COX7B2: variants seen among roughly 807,000 people sequenced by gnomAD.
The protein encoded by COX7B2 is cytochrome c oxidase subunit 7B2, also known as cytochrome c oxidase subunit 7B2, mitochondrial.
For synonymous variants in COX7B2, 37 were observed against 32.1 expected, an observed-to-expected ratio of 1.15 and a Z score of -0.51; for missense variants, 109 against 95.9, an observed-to-expected ratio of 1.14 and a Z score of -0.57.
intron 2 of COX7B2, among the ~76,000 whole-genome samples, chr4:46,813,217 C>G (rs1446773739): frequency 6.6e-6 from 1 of 152,120 alleles, no homozygotes; most frequent in African/African-American, 2.4e-5. Flanking sequence ...TGTGTATGTA[C>G]ATCTATTTAC....
intron 2 of COX7B2, among the ~76,000 whole-genome samples, chr4:46,833,948 C>T (rs1329060238): frequency 1.3e-5 from 2 of 151,940 alleles, no homozygotes; most frequent in Non-Finnish European, 2.9e-5. Context: ...AAAGATGTAG[C>T]TATAAACTGT....
chr4:46,763,874 C>T (rs987960777), intron 2 of COX7B2, among the ~76,000 whole-genome samples: 1 of 152,070 alleles, frequency 6.6e-6, no homozygotes, highest in African/African-American at 2.4e-5. Context: ...AAAATTGATT[C>T]CCCAGTCCAG....
At chr4:46,897,847 TTA>T (rs1048297098) in intron 1 of COX7B2, among the ~76,000 whole-genome samples, 19 of 152,174 alleles carry the variant, frequency 1.2e-4, no homozygotes, top group African/African-American at 4.6e-4. Flanking sequence ...TAATGAGAAT[TTA>T]TCAGACTTCA....
rs180809264 is a variant in COX7B2, at chr4:46,878,303, G to A, written c.-105+30857C>T. 1.0e-3 allele frequency among the ~76,000 whole-genome samples: 154 copies of A among 152,012 alleles called. 1 individual carries two copies. The highest frequency in any genetic ancestry group is 3.5e-3 in the African/African-American group (145 of 41,462). On this transcript the variant is annotated intron_variant, in intron 1 of 2. Coordinates refer to ENST00000355591, the MANE Select transcript of COX7B2 (RefSeq NM_130902.3). ...GTATGAACTTTCAGTTATATAGGAT[G>A]ACTAAATCTAGAGATCTAATGTATA... is the stretch of plus-strand genomic sequence containing the variant.
intron 2 of COX7B2, among the ~76,000 whole-genome samples, chr4:46,748,887 CT>C (rs1715179762): frequency 6.6e-6 from 1 of 152,128 alleles, no homozygotes; most frequent in South Asian, 2.1e-4. Context: ...CACTAATAAA[CT>C]TAATTGTCAT....
At chr4:46,812,721 A>G (rs1719348635) in intron 2 of COX7B2, among the ~76,000 whole-genome samples, 1 of 152,100 alleles carries the variant, frequency 6.6e-6, no homozygotes, top group Non-Finnish European at 1.5e-5. Context: ...TTCGACCTGA[A>G]GGTGCATAAC....
chr4:46,839,349 G>A (rs1229952954), intron 2 of COX7B2, among the ~76,000 whole-genome samples: 1 of 151,884 alleles, frequency 6.6e-6, no homozygotes, highest in Non-Finnish European at 1.5e-5. Context: ...CAGTCCTCTT[G>A]TCAATAGCAT....
chr4:46,754,718 G>GTATA (rs1235318797), intron 2 of COX7B2, among the ~76,000 whole-genome samples: 40 of 35,070 alleles, frequency 1.1e-3, no homozygotes, highest in South Asian at 5.3e-3. Context: ...GTGTGTGTGT[G>GTATA]TGTGTGTGTG....
chr4:46,801,849 T>C (rs1718675149), intron 2 of COX7B2, among the ~76,000 whole-genome samples: 1 of 152,174 alleles, frequency 6.6e-6, no homozygotes, highest in African/African-American at 2.4e-5. Flanking sequence ...TCTTTGAATC[T>C]CTAAATCTCC....
At chr4:46,799,977 A>G (rs2109619064) in intron 2 of COX7B2, among the ~76,000 whole-genome samples, 1 of 152,210 alleles carries the variant, frequency 6.6e-6, no homozygotes, top group South Asian at 2.1e-4. Context: ...TGTCAGGTTC[A>G]GGGCTTTTTT....
intron 2 of COX7B2, among the ~76,000 whole-genome samples, chr4:46,773,453 C>T (rs538189884): frequency 2.0e-5 from 3 of 152,150 alleles, no homozygotes; most frequent in Admixed American, 6.6e-5. Context: ...GAGGCCCCCC[C>T]AGTCATGCTG....
intron 1 of COX7B2, among the ~76,000 whole-genome samples, chr4:46,896,379 A>G (rs1055363139): frequency 1.3e-5 from 2 of 152,222 alleles, no homozygotes; most frequent in African/African-American, 2.4e-5. Flanking sequence ...GTACCCAGTG[A>G]CAATTTTAGG....
intron 2 of COX7B2, among the ~76,000 whole-genome samples, chr4:46,836,224 CTG>C (rs1365935109): frequency 3.9e-5 from 6 of 152,172 alleles, no homozygotes; most frequent in South Asian, 2.1e-4. Flanking sequence ...CAACATTTTA[CTG>C]TGTGTTTACT....
chr4:46,802,709 G>C (rs1345630338), intron 2 of COX7B2, among the ~76,000 whole-genome samples: 1 of 152,166 alleles, frequency 6.6e-6, no homozygotes, highest in Non-Finnish European at 1.5e-5. Flanking sequence ...TTAAAACTCA[G>C]CTGTCACATT....
chr4:46,753,815 C>G (rs191861026), intron 2 of COX7B2, among the ~76,000 whole-genome samples: 1,640 of 152,234 alleles, frequency 0.011, 19 homozygotes, highest in Non-Finnish European at 0.014. Context: ...ATCTACCCAT[C>G]TGACAAAGGG....
At chr4:46,822,422 G>A (rs769422241) in intron 2 of COX7B2, among the ~76,000 whole-genome samples, 1 of 151,934 alleles carries the variant, frequency 6.6e-6, no homozygotes, top group Non-Finnish European at 1.5e-5. Context: ...TGAGGAGAGG[G>A]CTCTGGGGCA....
At chr4:46,882,336 C>T (rs1264104316) in intron 1 of COX7B2, among the ~76,000 whole-genome samples, 1 of 152,078 alleles carries the variant, frequency 6.6e-6, no homozygotes, top group Non-Finnish European at 1.5e-5. Flanking sequence ...GAGTTCAGGT[C>T]CTGAATCTTT....
rs144320152 is a variant in COX7B2, at chr4:46,832,200, T to C, written c.-50+12760A>G. 4.4e-3 allele frequency among the ~76,000 whole-genome samples: 673 copies of C among 152,254 alleles called. 6 individuals are homozygous for C. Among genetic ancestry groups the C allele is most frequent in the African/African-American group, 0.016 (652 of 41,544 alleles). On this transcript the variant is annotated intron_variant, in intron 2 of 2. Transcript: ENST00000355591. ...TACTGCTAACTCTTTGGGTCCACAC[T>C]GCCTTTATGAGCTGCAACACTCACT...
rs187323415 is a variant in COX7B2, at chr4:46,840,195, A to G, written c.-50+4765T>C. 2.0e-5 allele frequency among the ~76,000 whole-genome samples: 3 copies of G among 152,138 alleles called. No homozygotes were observed. The East Asian group carries it at 5.8e-4, about 29-fold the overall frequency. On this transcript the variant is annotated intron_variant, in intron 2 of 2. Coordinates refer to ENST00000355591, the MANE Select transcript of COX7B2 (RefSeq NM_130902.3). ...CATGTCTACCTTCCAGGAATGAGAA[A>G]GGAGGAAGGGGCCTGAAGGAAGATG...
Sources: gnomAD v4.1 joint callset for allele counts (sites outside exome capture counted in the v4.1 genomes callset) on GRCh38, gnomAD v4.1.1 for gene constraint, MANE v1.5 for transcripts, NCBI Gene and HGNC (gene_info 2026-07-23, HGNC 2026-07-21) for gene names.